Variants in COL23A1 observed in about 807,000 individuals in gnomAD.
COL23A1 encodes the protein collagen type XXIII alpha 1 chain.
Under a neutral mutation model 99.3 loss-of-function variants are expected in COL23A1, and 97 were observed. The observed-to-expected ratio is 0.98, with a 90% CI of 0.83 to 1.16. The LOEUF is 1.16. Among genes scored for constraint, COL23A1 ranks in the 50% most tolerant of loss-of-function variants. The pLI is 0.00. For synonymous variants in COL23A1, 320 were observed against 308.2 expected, an observed-to-expected ratio of 1.04 and a Z score of -0.40; for missense variants, 762 against 757.4, an observed-to-expected ratio of 1.01 and a Z score of -0.07.
intron 2 of COL23A1, among the ~76,000 whole-genome samples, chr5:178,459,253 T>C (rs573724161): frequency 1.3e-5 from 2 of 152,194 alleles, no homozygotes; most frequent in South Asian, 2.1e-4. Flanking sequence ...TTTTTTAAAA[T>C]GCCTTTGACT....
At chr5:178,416,520 T>C (rs532810627) in intron 2 of COL23A1, among the ~76,000 whole-genome samples, 35 of 152,284 alleles carry the variant, frequency 2.3e-4, no homozygotes, top group African/African-American at 8.2e-4. Flanking sequence ...ACCAGGATGA[T>C]ACGGAGGGGT....
In COL23A1 at chr5:178,589,865, A is replaced by G; in HGVS notation, c.294+39T>C. On this transcript the variant is annotated intron_variant, in intron 1 of 28. Transcript: ENST00000390654. This position sits in a 1 kb window ranked among gnomAD's most constrained non-coding sequence, Gnocchi z 5.4. ...AGCGTACCGCCACCCTCAACCCGAC[A>G]CACCCAAGTCCGCCCCAGCCACGCG... 2 of 1,266,798 alleles carry G rather than the reference A, an allele frequency of 1.6e-6. No homozygotes were observed. The highest frequency in any genetic ancestry group is 2.0e-6 in the Non-Finnish European group (2 of 1,008,310). The allele number at this position is 1,266,798 out of a possible 1,614,324, so 78.5% of individuals were successfully genotyped here.
intron 2 of COL23A1, among the ~76,000 whole-genome samples, chr5:178,524,926 C>A (rs901423901): frequency 2.0e-5 from 3 of 152,136 alleles, no homozygotes; most frequent in African/African-American, 7.3e-5. Context: ...CATTTACACA[C>A]GCACCACCCA....
intron 1 of COL23A1, among the ~76,000 whole-genome samples, chr5:178,577,005 G>A (rs1484482996): frequency 6.6e-6 from 1 of 152,014 alleles, no homozygotes; most frequent in Non-Finnish European, 1.5e-5. Flanking sequence ...CTCGGGCAGC[G>A]GCCGGCGCCT....
intron 2 of COL23A1, among the ~76,000 whole-genome samples, chr5:178,553,648 G>A (rs558584597): frequency 3.4e-4 from 52 of 152,212 alleles, no homozygotes; most frequent in Non-Finnish European, 4.9e-4. Flanking sequence ...TGCAAACAGC[G>A]TGACGGGCAG....
intron 1 of COL23A1, among the ~76,000 whole-genome samples, chr5:178,580,202 C>T (rs1272950986): frequency 6.6e-6 from 1 of 152,118 alleles, no homozygotes; most frequent in African/African-American, 2.4e-5. Flanking sequence ...ATGGCGCATG[C>T]CTGTAATCCC....
chr5:178,256,740 C>A, intron 14 of COL23A1, 126 bp downstream of exon 14: 3 of 912,836 alleles, frequency 3.3e-6, no homozygotes, highest in Non-Finnish European at 5.0e-6. Context: ...CTGAGGGAGA[C>A]CCCTGGGTCA....
chr5:178,410,102 T>A (rs569625238), intron 2 of COL23A1, among the ~76,000 whole-genome samples: 12 of 152,222 alleles, frequency 7.9e-5, no homozygotes, highest in Non-Finnish European at 1.2e-4. Flanking sequence ...CCATCTATGA[T>A]GAAAGGTTAG....
At chr5:178,426,368 C>T (rs1243966513) in intron 2 of COL23A1, among the ~76,000 whole-genome samples, 5 of 152,212 alleles carry the variant, frequency 3.3e-5, no homozygotes, top group East Asian at 1.9e-4. Flanking sequence ...AGATGACCCA[C>T]GTTTTTCTGT....
At chr5:178,478,965 G>C (rs555180187) in intron 2 of COL23A1, among the ~76,000 whole-genome samples, 2 of 152,134 alleles carry the variant, frequency 1.3e-5, no homozygotes, top group African/African-American at 4.8e-5. Context: ...TGTGAGAAGA[G>C]GAGCTACTCC....
At chr5:178,555,359 C>T (rs1426047559) in intron 2 of COL23A1, among the ~76,000 whole-genome samples, 8 of 152,130 alleles carry the variant, frequency 5.3e-5, no homozygotes, top group African/African-American at 7.2e-5. Context: ...CTGAGACTTT[C>T]GGGAAAGAAC....
At chr5:178,561,061 G>A (rs1172005044) in intron 1 of COL23A1, among the ~76,000 whole-genome samples, 3 of 152,224 alleles carry the variant, frequency 2.0e-5, no homozygotes, top group Admixed American at 6.5e-5. Flanking sequence ...AAAAGCCACA[G>A]CGACCACCAG....
intron 17 of COL23A1, 75 bp from the exon 18 acceptor site, chr5:178,250,180 C>G: frequency 1.3e-6 from 2 of 1,561,978 alleles, no homozygotes; most frequent in South Asian, 2.2e-5. Context: ...AGGGCCAGGA[C>G]ACACTGTGCA....
chr5:178,269,626 T>TCCATCCATCCACC (rs1221750120), intron 6 of COL23A1, among the ~76,000 whole-genome samples: 1 of 35,650 alleles, frequency 2.8e-5, no homozygotes, highest in Non-Finnish European at 6.5e-5. Flanking sequence ...ATCCATCCAT[T>TCCATCCATCCACC]CATCCACCCA....
intron 2 of COL23A1, among the ~76,000 whole-genome samples, chr5:178,471,029 C>T (rs1562000938): frequency 6.6e-6 from 1 of 152,234 alleles, no homozygotes; most frequent in Non-Finnish European, 1.5e-5. Context: ...TCTGAAAAAG[C>T]ATCTGCTCCA....
intron 2 of COL23A1, among the ~76,000 whole-genome samples, chr5:178,435,423 C>T (rs1766503406): frequency 6.6e-6 from 1 of 152,138 alleles, no homozygotes; most frequent in South Asian, 2.1e-4. Context: ...CAACCCTCCA[C>T]TTGGCAAACC....
chr5:178,264,045 G>A (rs903675196), intron 8 of COL23A1, among the ~76,000 whole-genome samples: 2 of 152,174 alleles, frequency 1.3e-5, no homozygotes, highest in East Asian at 1.9e-4. Flanking sequence ...GTTGCCAGGC[G>A]TTAGGGATGG....
intron 2 of COL23A1, among the ~76,000 whole-genome samples, chr5:178,342,698 G>A (rs1163758364): frequency 6.6e-6 from 1 of 152,084 alleles, no homozygotes; most frequent in Non-Finnish European, 1.5e-5. Context: ...CCAATCACAT[G>A]TCCATTTGTG....
At chr5:178,248,362 C>A (rs1764828555) in intron 19 of COL23A1, 108 bp from the exon 20 acceptor site, 2 of 782,554 alleles carry the variant, frequency 2.6e-6, no homozygotes, top group Non-Finnish European at 4.1e-6. Context: ...TGAGAGCAGT[C>A]ATCAGTTAGC....
Sources: gnomAD v4.1 joint callset for allele counts (sites outside exome capture counted in the v4.1 genomes callset) on GRCh38, gnomAD v4.1.1 for gene constraint, Gnocchi (gnomAD v3.1) non-coding constraint, MANE v1.5 for transcripts, NCBI Gene and HGNC (gene_info 2026-07-23, HGNC 2026-07-21) for gene names.